Variants in PDE1A observed in about 807,000 individuals in gnomAD.
The protein encoded by PDE1A is phosphodiesterase 1A.
In PDE1A, 35 loss-of-function variants were observed where a neutral mutation model predicts 61.7. The observed-to-expected ratio is 0.57, with a 90% CI of 0.43 to 0.75. The LOEUF (loss-of-function observed/expected upper bound fraction) is 0.75, where lower values mean the gene tolerates loss of function less well. Ranked by LOEUF, PDE1A falls within the 30% of genes least tolerant of loss-of-function variation. The pLI is 0.00. For synonymous variants in PDE1A, 232 were observed against 213.2 expected, an observed-to-expected ratio of 1.09 and a Z score of -0.77; for missense variants, 597 against 630.6, an observed-to-expected ratio of 0.95 and a Z score of 0.57.
chr2:182,164,761 GA>G (rs1559126809), downstream of PDE1A, among the ~76,000 whole-genome samples: 1 of 152,146 alleles, frequency 6.6e-6, no homozygotes, highest in Non-Finnish European at 1.5e-5. Flanking sequence ...AGGGCAGATT[GA>G]TTCCATTAGA....
intron 8 of PDE1A, among the ~76,000 whole-genome samples, chr2:182,202,526 T>G (rs893820237): frequency 6.6e-6 from 1 of 152,030 alleles, no homozygotes; most frequent in African/African-American, 2.4e-5. Flanking sequence ...GGAGACTGAG[T>G]CACCCAGTCA....
chr2:182,145,259 A>T (rs193157546), downstream of PDE1A, among the ~76,000 whole-genome samples: 5 of 152,298 alleles, frequency 3.3e-5, no homozygotes, highest in South Asian at 1.0e-3. Flanking sequence ...AACATATAAA[A>T]TTTATAAGGT....
the PDE1A span, among the ~76,000 whole-genome samples, chr2:182,646,755 A>T: frequency 6.6e-6 from 1 of 152,184 alleles, no homozygotes; most frequent in African/African-American, 2.4e-5. Flanking sequence ...ACATAAGTAT[A>T]ACCCAATTAA....
the PDE1A span, among the ~76,000 whole-genome samples, chr2:182,667,584 C>T: frequency 6.6e-6 from 1 of 152,188 alleles, no homozygotes; most frequent in Non-Finnish European, 1.5e-5. Context: ...ACCCATATAA[C>T]AAATCATTCC....
chr2:182,320,051 T>C (rs1184088304), intron 1 of PDE1A, among the ~76,000 whole-genome samples: 2 of 152,146 alleles, frequency 1.3e-5, no homozygotes, highest in East Asian at 3.8e-4. Context: ...CCAGGACCTA[T>C]AAAATAAGGG....
intron 2 of PDE1A, among the ~76,000 whole-genome samples, chr2:182,474,998 C>T (rs376957412): frequency 3.9e-4 from 60 of 152,058 alleles, no homozygotes; most frequent in African/African-American, 1.3e-3. Context: ...TGTGGCTTGA[C>T]ATCATTCTGG....
At chr2:182,547,471 G>A in the PDE1A span, among the ~76,000 whole-genome samples, 1 of 152,104 alleles carries the variant, frequency 6.6e-6, no homozygotes, top group Middle Eastern at 3.2e-3. Context: ...ACTCCAGACG[G>A]GAACTAATTA....
At chr2:182,655,080 G>A in the PDE1A span, among the ~76,000 whole-genome samples, 2 of 152,116 alleles carry the variant, frequency 1.3e-5, no homozygotes, top group African/African-American at 2.4e-5. Context: ...CAACCATAGC[G>A]TAAAGAGGAT....
intron 1 of PDE1A, among the ~76,000 whole-genome samples, chr2:182,291,932 T>G (rs912141997): frequency 6.6e-6 from 1 of 152,118 alleles, no homozygotes; most frequent in Admixed American, 6.6e-5. Flanking sequence ...CTCCCCTAAA[T>G]ATCGTTTTGC....
intron 2 of PDE1A, among the ~76,000 whole-genome samples, chr2:182,521,423 T>C (rs1690560552): frequency 1.3e-5 from 2 of 152,092 alleles, no homozygotes; most frequent in African/African-American, 4.8e-5. Context: ...CAACGGCCTG[T>C]AAAATTCATA....
chr2:182,251,897 A>C (rs1482624358), intron 2 of PDE1A, among the ~76,000 whole-genome samples: 1 of 152,182 alleles, frequency 6.6e-6, no homozygotes, highest in African/African-American at 2.4e-5. Flanking sequence ...GTCAATTTTC[A>C]ACAGACCATG....
intron 1 of PDE1A, among the ~76,000 whole-genome samples, chr2:182,362,109 C>T (rs1699546157): frequency 6.6e-6 from 1 of 152,004 alleles, no homozygotes; most frequent in African/African-American, 2.4e-5. Context: ...GCAGAATTTG[C>T]ACTAGAATTC....
intron 11 of PDE1A, 59 bp downstream of exon 11, chr2:182,188,920 C>T (rs749193611): frequency 2.8e-6 from 3 of 1,078,488 alleles, no homozygotes; most frequent in Non-Finnish European, 2.9e-6. Context: ...CATCGTTTAC[C>T]CATTTGAAAA....
chr2:182,682,864 G>T, the PDE1A span, among the ~76,000 whole-genome samples: 2 of 152,130 alleles, frequency 1.3e-5, no homozygotes. Flanking sequence ...TATCAGATAA[G>T]ATTGCAGTGA....
chr2:182,187,946 G>A (rs1026359847), intron 11 of PDE1A, among the ~76,000 whole-genome samples: 65 of 151,636 alleles, frequency 4.3e-4, no homozygotes, highest in African/African-American at 1.3e-3. Context: ...GGGTTTCACC[G>A]TGTTAGCCAA....
chr2:182,626,974 A>G, the PDE1A span, among the ~76,000 whole-genome samples: 1 of 60,110 alleles, frequency 1.7e-5, no homozygotes, highest in Non-Finnish European at 3.4e-5. Context: ...TTGAGAAAAA[A>G]AAAAACCAAA....
At chr2:182,405,276 T>A (rs1464297198) in intron 1 of PDE1A, among the ~76,000 whole-genome samples, 2 of 152,214 alleles carry the variant, frequency 1.3e-5, no homozygotes, top group Admixed American at 6.5e-5. Context: ...AGATTTAAAT[T>A]TATTGTCACT....
the PDE1A span, among the ~76,000 whole-genome samples, chr2:182,679,252 C>T: frequency 4.7e-5 from 7 of 150,372 alleles, no homozygotes; most frequent in South Asian, 4.2e-4. Flanking sequence ...GGTGCAATCT[C>T]GGCTCACTGC....
intron 10 of PDE1A, among the ~76,000 whole-genome samples, chr2:182,196,082 A>G (rs1203735014): frequency 6.6e-6 from 1 of 152,088 alleles, no homozygotes; most frequent in Non-Finnish European, 1.5e-5. Context: ...TGGAATTAAT[A>G]TCATATTTCA....
Sources: gnomAD v4.1 joint callset for allele counts (sites outside exome capture counted in the v4.1 genomes callset) on GRCh38, gnomAD v4.1.1 for gene constraint, MANE v1.5 for transcripts, NCBI Gene and HGNC (gene_info 2026-07-23, HGNC 2026-07-21) for gene names.